The following LDLRAD3 variants were observed in gnomAD, a reference collection of about 807,000 sequenced individuals.
The protein encoded by LDLRAD3 is low density lipoprotein receptor class A domain containing 3, also known as low-density lipoprotein receptor class A domain-containing protein 3.
A neutral mutation model predicts 29.4 loss-of-function variants in LDLRAD3; 20 were observed. The observed-to-expected ratio is 0.68, with a 90% confidence interval of 0.48 to 0.99. The LOEUF is 0.99. Among genes scored for constraint, LDLRAD3 ranks in the 50% least tolerant of loss-of-function variants. The probability of loss-of-function intolerance (pLI) is 0.00; values close to 1 mark genes in which losing one functional copy is unlikely to be tolerated. For missense variants in LDLRAD3, 420 were observed against 454.3 expected (o/e 0.92, Z 0.69); for synonymous variants, 157 against 192.7 (o/e 0.81, Z 1.53).
chr11:36,140,992 T>TTCTCTCTCTCTCTCTCTCTCTCTCTC (rs557939353), intron 4 of LDLRAD3, among the ~76,000 whole-genome samples: 5 of 110,052 alleles, frequency 4.5e-5, no homozygotes, highest in African/African-American at 1.3e-4. Flanking sequence ...CTGTTGAGCT[T>TTCTCTCTCTCTCTCTCTCTCTCTCTC]TCTCTCTCTC....
rs562474741 is a variant in LDLRAD3, at chr11:36,106,419, CT to C, written c.454+7960del. On this transcript the variant is annotated intron_variant, in intron 4 of 5. Transcript: ENST00000315571. ...ATGCCTAAGTTAGCTGGTGACTGAC[CT>C]TGATTTATTGCTGGATTCTGGGCTC... is the stretch of plus-strand genomic sequence containing the variant. Among the ~76,000 whole-genome samples, 10 of 152,226 alleles carry C rather than the reference CT, an allele frequency of 6.6e-5. No homozygotes were observed. The East Asian group carries it at 1.9e-3, about 29-fold the overall frequency.
chr11:36,157,745 G>A (rs1341696239), intron 4 of LDLRAD3, among the ~76,000 whole-genome samples: 2 of 152,216 alleles, frequency 1.3e-5, no homozygotes, highest in Admixed American at 1.3e-4. Flanking sequence ...TTTGGAGGGA[G>A]CGGAGTGTCT....
At chr11:35,956,970 C>T (rs1851208773) in intron 1 of LDLRAD3, among the ~76,000 whole-genome samples, 1 of 152,202 alleles carries the variant, frequency 6.6e-6, no homozygotes, top group Admixed American at 6.5e-5. Flanking sequence ...CTCCTGACCT[C>T]GTGATCCGCC....
At chr11:36,134,573 C>T (rs1221296869) in intron 4 of LDLRAD3, among the ~76,000 whole-genome samples, 1 of 152,098 alleles carries the variant, frequency 6.6e-6, no homozygotes, top group South Asian at 2.1e-4. Flanking sequence ...CATTTTTGTT[C>T]GAGGGAACTC....
intron 4 of LDLRAD3, among the ~76,000 whole-genome samples, chr11:36,147,179 A>G (rs1327081557): frequency 8.3e-6 from 1 of 120,098 alleles, no homozygotes; most frequent in Non-Finnish European, 1.6e-5. Context: ...GTGCAGTGGC[A>G]TGATCTCGGC....
chr11:36,129,905 C>T (rs1403971415), intron 4 of LDLRAD3, among the ~76,000 whole-genome samples: 1 of 152,178 alleles, frequency 6.6e-6, no homozygotes, highest in African/African-American at 2.4e-5. Context: ...TGTACACTGT[C>T]CTTACATTCA....
intron 3 of LDLRAD3, among the ~76,000 whole-genome samples, chr11:36,093,046 C>T (rs1343212422): frequency 1.3e-5 from 2 of 152,116 alleles, no homozygotes; most frequent in Non-Finnish European, 2.9e-5. Flanking sequence ...AGCTATGTCT[C>T]CTGAGCAACT....
intron 4 of LDLRAD3, among the ~76,000 whole-genome samples, chr11:36,178,040 G>T (rs1297933855): frequency 6.6e-6 from 1 of 152,180 alleles, no homozygotes; most frequent in Non-Finnish European, 1.5e-5. Context: ...TGGCTTTCCT[G>T]CTGTGTTCCT....
intron 4 of LDLRAD3, among the ~76,000 whole-genome samples, chr11:36,170,191 C>T (rs745443418): frequency 2.2e-4 from 34 of 151,276 alleles, no homozygotes; most frequent in Non-Finnish European, 3.8e-4. Context: ...GTTGCATATG[C>T]CATTATTTTG....
At chr11:36,013,772 G>C (rs1851986250) in intron 1 of LDLRAD3, among the ~76,000 whole-genome samples, 1 of 118,660 alleles carries the variant, frequency 8.4e-6, no homozygotes, top group South Asian at 2.7e-4. Context: ...AAACCCCCAG[G>C]GGAGTGTGCC....
intron 4 of LDLRAD3, among the ~76,000 whole-genome samples, chr11:36,177,057 C>G (rs944878058): frequency 1.3e-5 from 2 of 151,724 alleles, no homozygotes; most frequent in Non-Finnish European, 2.9e-5. Context: ...ATTTGAAAGC[C>G]TTGTCTTCGA....
chr11:35,952,745 C>G (rs752149163), intron 1 of LDLRAD3, among the ~76,000 whole-genome samples: 1 of 152,136 alleles, frequency 6.6e-6, no homozygotes, highest in South Asian at 2.1e-4. Context: ...AATATATTTT[C>G]TAGACAAAGA....
chr11:36,167,814 A>G (rs1854537217), intron 4 of LDLRAD3, among the ~76,000 whole-genome samples: 1 of 152,200 alleles, frequency 6.6e-6, no homozygotes, highest in Non-Finnish European at 1.5e-5. Context: ...GGTATCTAAG[A>G]CATAGGCCTA....
chr11:36,146,053 T>C (rs1263046504), intron 4 of LDLRAD3, among the ~76,000 whole-genome samples: 1 of 149,790 alleles, frequency 6.7e-6, no homozygotes, highest in East Asian at 2.0e-4. Flanking sequence ...ACACAGGAAT[T>C]TAGGAGAGAA....
chr11:36,115,480 C>T (rs1853661608), intron 4 of LDLRAD3, among the ~76,000 whole-genome samples: 1 of 152,130 alleles, frequency 6.6e-6, no homozygotes, highest in Non-Finnish European at 1.5e-5. Flanking sequence ...TTTCACTGGA[C>T]CCCCGCTTCC....
In LDLRAD3 at chr11:35,944,233, C is replaced by T. The variant is rs1590670565; in HGVS notation, c.46+89C>T. ...GGCCGGGTGCGATCGCGTCCTCTCC[C>T]GGGCGCGGGCCGCTCTCCGGGCGTG... On this transcript the variant is annotated intron_variant, in intron 1 of 5. Coordinates refer to ENST00000315571, the MANE Select transcript of LDLRAD3 (RefSeq NM_174902.4). The surrounding 1 kb of genome is among the most constrained non-coding windows in gnomAD (Gnocchi z 4.9). The T allele has an allele frequency of 7.7e-6, 6 of 776,296 alleles. No homozygotes were observed. Among genetic ancestry groups the T allele is most frequent in the Non-Finnish European group, 9.4e-6 (6 of 638,276 alleles). 48.1% of individuals were successfully genotyped at this position (776,296 alleles called of 1,614,324 possible).
intron 4 of LDLRAD3, among the ~76,000 whole-genome samples, chr11:36,128,051 T>TGA (rs1853863588): frequency 6.7e-6 from 1 of 149,476 alleles, no homozygotes; most frequent in African/African-American, 2.5e-5. Flanking sequence ...CTCACTGATC[T>TGA]GAGGCATCAG....
At chr11:36,166,986 A>T (rs1014975865) in intron 4 of LDLRAD3, among the ~76,000 whole-genome samples, 1 of 152,210 alleles carries the variant, frequency 6.6e-6, no homozygotes, top group Non-Finnish European at 1.5e-5. Flanking sequence ...ATTTGGATAT[A>T]GTTTTTGCAG....
chr11:36,109,599 T>C (rs535070929), intron 4 of LDLRAD3, among the ~76,000 whole-genome samples: 3 of 152,290 alleles, frequency 2.0e-5, no homozygotes, highest in African/African-American at 7.2e-5. Flanking sequence ...CTTATACTTT[T>C]GGAATAGAGA....
Sources: allele counts gnomAD v4.1 joint callset (sites outside exome capture counted in the v4.1 genomes callset), GRCh38; gene constraint gnomAD v4.1.1; non-coding constraint Gnocchi (gnomAD v3.1); transcripts MANE v1.5; gene names NCBI Gene and HGNC (gene_info 2026-07-23, HGNC 2026-07-21).